Variants in ADPRHL1 observed in about 807,000 individuals in gnomAD.
The protein encoded by ADPRHL1 is inactive ADP-ribosyltransferase ARH2.
ADPRHL1 carries 43 observed loss-of-function variants against 44.1 expected under a neutral mutation model. That is an observed-to-expected ratio of 0.98 (90% CI 0.76 to 1.26). ADPRHL1 has a LOEUF of 1.26. Ranked by LOEUF, ADPRHL1 falls within the 50% of genes most tolerant of loss-of-function variation. The probability of loss-of-function intolerance (pLI) is 0.00; values close to 1 mark genes in which losing one functional copy is unlikely to be tolerated. For synonymous variants in ADPRHL1, 878 were observed against 1,017.4 expected, an observed-to-expected ratio of 0.86 and a Z score of 2.61; for missense variants, 2,022 against 2,496.9, an observed-to-expected ratio of 0.81 and a Z score of 4.05.
intron 7 of ADPRHL1, among the ~76,000 whole-genome samples, chr13:113,417,329 G>A (rs1327622604): frequency 1.3e-5 from 2 of 152,224 alleles, no homozygotes; most frequent in Admixed American, 6.5e-5. Flanking sequence ...GGTCCTGGGC[G>A]ATTGCCCTTC....
intron 1 of ADPRHL1, among the ~76,000 whole-genome samples, chr13:113,448,750 A>T (rs1283872312): frequency 1.3e-5 from 2 of 152,174 alleles, no homozygotes; most frequent in African/African-American, 4.8e-5. Flanking sequence ...GACATGTCAG[A>T]TGTGCCTTCG....
At chr13:113,417,301 G>A (rs2043891779) in intron 7 of ADPRHL1, among the ~76,000 whole-genome samples, 1 of 152,224 alleles carries the variant, frequency 6.6e-6, no homozygotes, top group Non-Finnish European at 1.5e-5. Context: ...TCTTGCCCGA[G>A]GGAGAGCCAG....
intron 1 of ADPRHL1, among the ~76,000 whole-genome samples, chr13:113,446,389 T>TA (rs1300942564): frequency 1.1e-4 from 16 of 152,108 alleles, no homozygotes; most frequent in Non-Finnish European, 1.6e-4. Context: ...ACAAGGACTG[T>TA]ATGTTGTGTC....
At position 113,441,374 on chromosome 13, in the gene ADPRHL1, AT is replaced by A. The variant is rs970224104; in HGVS notation, c.379+3050del. ...GGTTGAATGTTTCTCAAGGGATTCA[AT>A]TTTAACTCTTTTGCTGGGGCTTACT... is the stretch of plus-strand genomic sequence containing the variant. On this transcript the variant is annotated intron_variant, in intron 2 of 7. Transcript: ENST00000612156. This position sits in a 1 kb window ranked among gnomAD's most constrained non-coding sequence, Gnocchi z 6.0. Among the ~76,000 whole-genome samples the A allele has an allele frequency of 2.6e-5, 4 of 151,930 alleles. No individual in the cohort carries two copies. Among genetic ancestry groups the A allele is most frequent in the Non-Finnish European group, 5.9e-5 (4 of 67,996 alleles).
At chr13:113,446,569 C>G (rs1443623328) in intron 1 of ADPRHL1, among the ~76,000 whole-genome samples, 1 of 151,518 alleles carries the variant, frequency 6.6e-6, no homozygotes, top group Non-Finnish European at 1.5e-5. Context: ...ACGGTGTTGT[C>G]TACATGCACA....
intron 2 of ADPRHL1, among the ~76,000 whole-genome samples, chr13:113,436,944 C>T (rs1300070738): frequency 6.7e-6 from 1 of 148,204 alleles, no homozygotes; most frequent in African/African-American, 2.5e-5. Context: ...TACCCCGGGA[C>T]CCAGCACCCA....
chr13:113,422,930 C>G lies in ADPRHL1; in HGVS notation c.957G>C (p.Leu319=). Residue 319 remains leucine (L), a synonymous_variant, in exon 7 of 8, where the codon CTG becomes CTC. Transcript: ENST00000612156. ...GTIAGCLFGL[L]YGLDLVPKGL... ...CTTTGGGAACGAGGTCCAGGCCGTA[C>G]AGCAACCCGAACAGGCAGCCTGCAA... 1 of 1,612,954 alleles carries G rather than the reference C, an allele frequency of 6.2e-7. No homozygotes were observed. The highest frequency in any genetic ancestry group is 8.5e-7 in the Non-Finnish European group (1 of 1,179,992).
At chr13:113,450,961 C>T (rs997672221) in intron 1 of ADPRHL1, among the ~76,000 whole-genome samples, 4 of 150,764 alleles carry the variant, frequency 2.7e-5, no homozygotes, top group Admixed American at 1.3e-4. Flanking sequence ...GACCCCCCCC[C>T]CCTTCCTGGT....
intron 1 of ADPRHL1, among the ~76,000 whole-genome samples, chr13:113,450,217 C>T (rs2044169513): frequency 6.6e-6 from 1 of 152,190 alleles, no homozygotes; most frequent in South Asian, 2.1e-4. Flanking sequence ...TGTGCCCAGC[C>T]CTCACCATTG....
intron 7 of ADPRHL1, among the ~76,000 whole-genome samples, chr13:113,408,763 C>T (rs1405665139): frequency 2.0e-5 from 3 of 150,720 alleles, no homozygotes; most frequent in East Asian, 1.9e-4. Context: ...TTGGGGTGGG[C>T]GGAGAAGGCA....
At chr13:113,423,120 G>A (rs539596787) in intron 6 of ADPRHL1, 141 bp from the exon 7 acceptor site, 106 of 1,173,188 alleles carry the variant, frequency 9.0e-5, no homozygotes, top group Non-Finnish European at 1.2e-4. Flanking sequence ...AGGCCAGCGC[G>A]GTGGCTCACG....
chr13:113,442,634 A>C (rs2044107112), intron 2 of ADPRHL1, among the ~76,000 whole-genome samples: 1 of 152,106 alleles, frequency 6.6e-6, no homozygotes, highest in African/African-American at 2.4e-5. Context: ...ATTCTTCTTG[A>C]GTATTACTTC....
chr13:113,448,887 G>T, intron 1 of ADPRHL1: 1 of 956,476 alleles, frequency 1.0e-6, no homozygotes, highest in Non-Finnish European at 1.2e-6. Context: ...CACTTCCCCA[G>T]TTTTCCCAGG....
intron 1 of ADPRHL1, among the ~76,000 whole-genome samples, chr13:113,452,133 TGG>T (rs995938030): frequency 6.6e-6 from 1 of 152,156 alleles, no homozygotes; most frequent in Admixed American, 6.5e-5. Context: ...TGTCTGTGTG[TGG>T]GGTGCACCTG....
chr13:113,451,525 T>C (rs926215841), intron 1 of ADPRHL1, among the ~76,000 whole-genome samples: 23 of 152,224 alleles, frequency 1.5e-4, no homozygotes, highest in African/African-American at 4.3e-4. Flanking sequence ...TCCTTAAGAA[T>C]AGCGCCCCAT....
At chr13:113,408,349 T>G in intron 7 of ADPRHL1, 129 bp from the exon 8 acceptor site, 1 of 983,586 alleles carries the variant, frequency 1.0e-6, no homozygotes. Flanking sequence ...GAAAAAGAGA[T>G]TAGGAGCCAG....
At chr13:113,448,523 T>G (rs1324339542) in intron 1 of ADPRHL1, among the ~76,000 whole-genome samples, 1 of 99,606 alleles carries the variant, frequency 1.0e-5, no homozygotes, top group Non-Finnish European at 2.1e-5. Context: ...CATGTCTCAA[T>G]AAAGAAAAGG....
intron 3 of ADPRHL1, among the ~76,000 whole-genome samples, chr13:113,430,750 G>A (rs1029569561): frequency 4.6e-5 from 7 of 151,768 alleles, no homozygotes; most frequent in African/African-American, 1.4e-4. Context: ...AGTGGCGGGG[G>A]TGGCAGTGGC....
chr13:113,439,624 T>A (rs1434011195), intron 2 of ADPRHL1, among the ~76,000 whole-genome samples: 2 of 151,444 alleles, frequency 1.3e-5, no homozygotes, highest in African/African-American at 4.9e-5. Context: ...ATTTTTGTAT[T>A]TTTAGTAGAG....
Sources: gnomAD v4.1 joint callset for allele counts (sites outside exome capture counted in the v4.1 genomes callset) on GRCh38, gnomAD v4.1.1 for gene constraint, Gnocchi (gnomAD v3.1) non-coding constraint, MANE v1.5 for transcripts, NCBI Gene and HGNC (gene_info 2026-07-23, HGNC 2026-07-21) for gene names.